The following STPG2 variants were observed in gnomAD, a reference collection of about 807,000 sequenced individuals.
STPG2 encodes sperm-tail PG-rich repeat-containing protein 2.
A neutral mutation model predicts 54.2 loss-of-function variants in STPG2; 56 were observed. That is an observed-to-expected ratio of 1.03 (90% CI 0.83 to 1.29). The LOEUF (loss-of-function observed/expected upper bound fraction) is 1.29, where lower values mean the gene tolerates loss of function less well. Among genes scored for constraint, STPG2 ranks in the 50% most tolerant of loss-of-function variants. The pLI is 0.00. For synonymous variants in STPG2, 200 were observed against 181.8 expected (o/e 1.10, Z -0.81); for missense variants, 596 against 544.9 (o/e 1.09, Z -0.93).
chr4:97,647,074 A>T (rs542516935), intron 10 of STPG2, among the ~76,000 whole-genome samples: 29 of 152,094 alleles, frequency 1.9e-4, no homozygotes, highest in Non-Finnish European at 2.9e-4. Context: ...TATATATTCA[A>T]TTTTCTATCA....
At chr4:97,735,274 CATACACAA>C (rs1724943781) in intron 9 of STPG2, among the ~76,000 whole-genome samples, 1 of 151,172 alleles carries the variant, frequency 6.6e-6, no homozygotes, top group African/African-American at 2.4e-5. Context: ...TATATATATA[CATACACAA>C]AGTGAAATAA....
At chr4:97,992,641 G>T (rs540898645) in intron 5 of STPG2, among the ~76,000 whole-genome samples, 6 of 152,108 alleles carry the variant, frequency 3.9e-5, no homozygotes, top group Non-Finnish European at 7.4e-5. Context: ...GAAGAATTAT[G>T]GTGGTATTTT....
chr4:97,618,487 T>C (rs947387442), intron 10 of STPG2, among the ~76,000 whole-genome samples: 1 of 152,172 alleles, frequency 6.6e-6, no homozygotes, highest in African/African-American at 2.4e-5. Flanking sequence ...TAGCAGTAGG[T>C]AATAGATATG....
intron 9 of STPG2, among the ~76,000 whole-genome samples, chr4:97,811,115 T>C (rs1442747506): frequency 6.6e-6 from 1 of 152,116 alleles, no homozygotes; most frequent in Non-Finnish European, 1.5e-5. Context: ...TACGAATTAC[T>C]GTTCAAACAG....
At chr4:97,827,599 C>T (rs1441701327) in intron 9 of STPG2, among the ~76,000 whole-genome samples, 1 of 152,156 alleles carries the variant, frequency 6.6e-6, no homozygotes, top group Admixed American at 6.5e-5. Flanking sequence ...ATATTTGTTT[C>T]TCTCCACCTG....
intron 9 of STPG2, among the ~76,000 whole-genome samples, chr4:97,771,457 T>A (rs540646920): frequency 1.3e-5 from 2 of 152,172 alleles, no homozygotes; most frequent in South Asian, 4.2e-4. Context: ...CAAAGAAGTT[T>A]GTCAGTTTGC....
intron 9 of STPG2, among the ~76,000 whole-genome samples, chr4:97,737,976 C>T (rs1017162703): frequency 6.6e-6 from 1 of 152,068 alleles, no homozygotes; most frequent in Admixed American, 6.6e-5. Flanking sequence ...GTCGGGTTAC[C>T]CACAAAGGGA....
chr4:97,684,163 A>G (rs939510645), intron 10 of STPG2, among the ~76,000 whole-genome samples: 2 of 151,958 alleles, frequency 1.3e-5, no homozygotes, highest in South Asian at 2.1e-4. Context: ...TAAGATGCCA[A>G]TTCTTCCCAA....
At chr4:97,752,942 C>G (rs1159905861) in intron 9 of STPG2, among the ~76,000 whole-genome samples, 1 of 151,750 alleles carries the variant, frequency 6.6e-6, no homozygotes, top group Non-Finnish European at 1.5e-5. Flanking sequence ...TAAACTATCT[C>G]AATTATTCAT....
chr4:97,845,033 T>A (rs1433927276), intron 8 of STPG2, among the ~76,000 whole-genome samples: 1 of 152,038 alleles, frequency 6.6e-6, no homozygotes, highest in Non-Finnish European at 1.5e-5. Flanking sequence ...CTTTGCTTGC[T>A]TCTATTATCT....
intron 4 of STPG2, among the ~76,000 whole-genome samples, chr4:97,496,142 A>T (rs1449721243): frequency 6.6e-6 from 1 of 151,738 alleles, no homozygotes; most frequent in Non-Finnish European, 1.5e-5. Context: ...ATTTTATTGT[A>T]TTGCCTTAAA....
intron 10 of STPG2, among the ~76,000 whole-genome samples, chr4:97,622,912 A>G (rs958200194): frequency 6.6e-6 from 1 of 152,190 alleles, no homozygotes; most frequent in Non-Finnish European, 1.5e-5. Context: ...TACTGGTACA[A>G]AACCAGACAC....
intron 4 of STPG2, among the ~76,000 whole-genome samples, chr4:97,448,413 A>T (rs1426462953): frequency 6.6e-6 from 1 of 152,102 alleles, no homozygotes; most frequent in African/African-American, 2.4e-5. Flanking sequence ...CTCATCTCAA[A>T]TTGTAATCCC....
intron 9 of STPG2, among the ~76,000 whole-genome samples, chr4:97,743,083 T>G (rs555293306): frequency 1.6e-4 from 24 of 151,914 alleles, no homozygotes; most frequent in Non-Finnish European, 3.2e-4. Context: ...ATAAAGTGCC[T>G]TTTGTTTCAG....
chr4:97,935,617 TC>T (rs1396916795), intron 8 of STPG2, among the ~76,000 whole-genome samples: 3 of 152,200 alleles, frequency 2.0e-5, no homozygotes, highest in African/African-American at 7.2e-5. Context: ...CTTCTTGATT[TC>T]TGCCTTAATT....
intron 9 of STPG2, among the ~76,000 whole-genome samples, chr4:97,758,104 T>C (rs1725784227): frequency 6.6e-6 from 1 of 152,174 alleles, no homozygotes; most frequent in East Asian, 1.9e-4. Context: ...GGAATAAAAA[T>C]GGTATATTAA....
intron 5 of STPG2, among the ~76,000 whole-genome samples, chr4:97,999,082 T>C (rs2149274385): frequency 6.6e-6 from 1 of 152,318 alleles, no homozygotes; most frequent in South Asian, 2.1e-4. Context: ...CTGTCTGACA[T>C]TATTGGGGCA....
intron 10 of STPG2, among the ~76,000 whole-genome samples, chr4:97,684,213 A>G (rs1317357654): frequency 6.6e-6 from 1 of 151,948 alleles, no homozygotes; most frequent in Non-Finnish European, 1.5e-5. Flanking sequence ...TCAAAATCTC[A>G]GAAAGTTACC....
chr4:97,956,691 T>C (rs1459780399), intron 7 of STPG2, among the ~76,000 whole-genome samples: 2 of 152,116 alleles, frequency 1.3e-5, no homozygotes, highest in African/African-American at 4.8e-5. Context: ...ATAGACCTGA[T>C]GGGTGGCTGG....
Sources: allele counts gnomAD v4.1 joint callset (sites outside exome capture counted in the v4.1 genomes callset), GRCh38; gene constraint gnomAD v4.1.1; transcripts MANE v1.5; gene names NCBI Gene and HGNC (gene_info 2026-07-23, HGNC 2026-07-21).